Variants in AHSA1 observed in about 807,000 individuals in gnomAD.
The protein encoded by AHSA1 is activator of HSP90 ATPase activity 1, also known as activator of 90 kDa heat shock protein ATPase homolog 1.
Under a neutral mutation model 46.1 loss-of-function variants are expected in AHSA1, and 14 were observed. The ratio of observed to expected loss-of-function variants is 0.30; its 90% CI spans 0.20 to 0.47. The LOEUF (loss-of-function observed/expected upper bound fraction) is 0.47. Ranked by LOEUF, AHSA1 falls within the 20% of genes least tolerant of loss-of-function variation. The pLI, the probability that AHSA1 is intolerant of heterozygous loss-of-function variation, is 0.99. For missense variants in AHSA1, 333 were observed against 415.9 expected, an observed-to-expected ratio of 0.80 and a Z score of 1.73; for synonymous variants, 147 against 145.8, an observed-to-expected ratio of 1.01 and a Z score of -0.06.
rs150175578 is a variant in AHSA1, at chr14:77,468,049, C to CTTTTT, written c.691-33_691-32insTTTTT. 2.1e-4 allele frequency: 154 copies of CTTTTT among 723,774 alleles called. 16 individuals carry two copies. The highest frequency in any genetic ancestry group is 5.9e-4 in the South Asian group (27 of 45,610). The allele number at this position is 723,774 out of a possible 1,614,324, so 44.8% of individuals were successfully genotyped here. A position where few individuals can be genotyped will look rare whatever the true frequency, so the allele number is the denominator to read the frequency against. ...CCACTGAAAGCCATGTATCTTCTGC[C>CTTTTT]TCTTTTTTTTTTTTTTTTTTTTTTT... On this transcript the variant is annotated intron_variant, in intron 6 of 8. Transcript: ENST00000216479.
At chr14:77,468,721 CTTTTTT>C (rs572116649) in intron 8 of AHSA1, 466 of 224,066 alleles carry the variant, frequency 2.1e-3, no homozygotes, top group East Asian at 6.1e-3. Flanking sequence ...ACCATGCCAG[CTTTTTT>C]TTTTTTTTTT....
At position 77,462,860 on chromosome 14, in the gene AHSA1, AT is replaced by A. The variant is rs2079031641; in HGVS notation, c.472+104del. On this transcript the variant is annotated intron_variant, in intron 4 of 8. Coordinates refer to ENST00000216479, the MANE Select transcript of AHSA1 (RefSeq NM_012111.3). ...TCCTTTCTTTGGCAAATGGGTAAAG[AT>A]TTGGGGGGAGGGGGCTTATTTCATC... is the stretch of plus-strand genomic sequence containing the variant. 8.3e-6 allele frequency: 8 copies of A among 967,360 alleles called. No homozygotes were observed. The South Asian group carries it at 1.1e-4, about 13-fold the overall frequency. 59.9% of individuals were successfully genotyped at this position (967,360 alleles called of 1,614,324 possible).
chr14:77,467,082 C>T (rs1161931617), intron 6 of AHSA1, among the ~76,000 whole-genome samples: 2 of 152,140 alleles, frequency 1.3e-5, no homozygotes, highest in East Asian at 3.8e-4. Flanking sequence ...TAATCGAACA[C>T]AGCAAAATGA....
chr14:77,469,422 C>T lies in AHSA1; in HGVS notation c.*173C>T, dbSNP rs1173570665. ...TTTTCTGCTGGGTGGGTTCAGAGGGCAATTTCTCTTTTATGTGTACATATG... is the reference window on the plus strand; with the variant it reads ...TTTTCTGCTGGGTGGGTTCAGAGGGTAATTTCTCTTTTATGTGTACATATG... On this transcript the variant is annotated 3_prime_UTR_variant, in exon 9 of 9. Transcript: ENST00000216479. 4.6e-6 allele frequency: 3 copies of T among 648,430 alleles called. No homozygotes were observed. Among genetic ancestry groups the T allele is most frequent in the Non-Finnish European group, 7.7e-6 (3 of 387,556 alleles). The allele number at this position is 648,430 out of a possible 1,614,324, so 40.2% of individuals were successfully genotyped here.
rs532395625 is a variant in AHSA1, at chr14:77,461,074, G to A, written c.272-1086G>A. On this transcript the variant is annotated intron_variant, in intron 2 of 8. Coordinates refer to ENST00000216479, the MANE Select transcript of AHSA1 (RefSeq NM_012111.3). ...CTCGGGAGGCTGAGGCAGGAGAATC[G>A]CTTGAACCCAGGAGGCGGAGGTTGC... Among the ~76,000 whole-genome samples, 15 of 152,076 alleles carry A rather than the reference G, an allele frequency of 9.9e-5. No individual in the cohort carries two copies. The East Asian group carries it at 2.5e-3, about 26-fold the overall frequency.
chr14:77,468,210 A>C, intron 7 of AHSA1, 26 bp downstream of exon 7: 1 of 1,459,812 alleles, frequency 6.9e-7, no homozygotes, highest in Non-Finnish European at 9.4e-7. Context: ...CCCTAGACTC[A>C]GGTTATTGCC....
intron 1 of AHSA1, among the ~76,000 whole-genome samples, chr14:77,458,854 T>TA (rs148705039): frequency 0.011 from 1,664 of 152,332 alleles, 30 homozygotes; most frequent in African/African-American, 0.038. Flanking sequence ...TGACCGTTCT[T>TA]AAAATAACTG....
intron 4 of AHSA1, among the ~76,000 whole-genome samples, chr14:77,464,008 G>A (rs1376220304): frequency 2.0e-5 from 3 of 152,272 alleles, no homozygotes; most frequent in Admixed American, 6.5e-5. Context: ...CGGCGTTCAC[G>A]CCATCCTTCC....
rs572116649 is a variant in AHSA1, at chr14:77,468,721, C to CTTTTTTTTTTTT, written c.844+226_844+237dup. 2.4e-4 allele frequency: 53 copies of CTTTTTTTTTTTT among 224,414 alleles called. 1 individual carries two copies. The highest frequency in any genetic ancestry group is 4.1e-4 in the African/African-American group (9 of 21,844). 13.9% of individuals were successfully genotyped at this position (224,414 alleles called of 1,614,324 possible). On this transcript the variant is annotated intron_variant, in intron 8 of 8. Coordinates refer to ENST00000216479, the MANE Select transcript of AHSA1 (RefSeq NM_012111.3). ...GAGACTACGTGTGCCACCATGCCAGCTTTTTTTTTTTTTTTTTTTTTTTTA... is the reference window on the plus strand; with the variant it reads ...GAGACTACGTGTGCCACCATGCCAGCTTTTTTTTTTTTTTTTTTTTTTTTTTTTTTTTTTTTA...
At chr14:77,461,402 C>T (rs1243294766) in intron 2 of AHSA1, among the ~76,000 whole-genome samples, 1 of 151,816 alleles carries the variant, frequency 6.6e-6, no homozygotes, top group East Asian at 1.9e-4. Context: ...TAGTGGCACG[C>T]ACCTGTAATC....
In AHSA1 at chr14:77,458,129, G is replaced by T; in HGVS notation, c.-61G>T. 2 of 1,420,722 alleles carry T rather than the reference G, an allele frequency of 1.4e-6. No individual in the cohort carries two copies. The highest frequency in any genetic ancestry group is 3.0e-5 in the African/African-American group (2 of 66,506). The allele number at this position is 1,420,722 out of a possible 1,614,324, so 88.0% of individuals were successfully genotyped here. On this transcript the variant is annotated 5_prime_UTR_variant, in exon 1 of 9. Transcript: ENST00000216479. ...GGCGCTGCCGGGCGGCTGGCACTAAGCGGTCCTGAGGCTGTGGCTACGGCT... is the reference window on the plus strand; with the variant it reads ...GGCGCTGCCGGGCGGCTGGCACTAATCGGTCCTGAGGCTGTGGCTACGGCT...
chr14:77,467,643 G>A (rs12590773), intron 6 of AHSA1, among the ~76,000 whole-genome samples: 65,195 of 151,676 alleles, frequency 0.43, 16,528 homozygotes, highest in East Asian at 0.92. Context: ...TGCGTGAGCC[G>A]AGATCGCGCC....
intron 5 of AHSA1, among the ~76,000 whole-genome samples, 200 bp downstream of exon 5, chr14:77,464,886 C>T (rs2079041375): frequency 6.6e-6 from 1 of 152,166 alleles, no homozygotes; most frequent in Non-Finnish European, 1.5e-5. Flanking sequence ...TTATCGCAGA[C>T]CTTTAGAGCA....
At chr14:77,468,049 CTCT>C (rs778308253) in intron 6 of AHSA1, 31 bp from the exon 7 acceptor site, 11,220 of 711,538 alleles carry the variant, frequency 0.016, 139 homozygotes, top group East Asian at 0.082. Context: ...TATCTTCTGC[CTCT>C]TTTTTTTTTT....
chr14:77,460,930 TGGGC>T (rs2079020137), intron 2 of AHSA1, among the ~76,000 whole-genome samples: 1 of 149,576 alleles, frequency 6.7e-6, no homozygotes, highest in Non-Finnish European at 1.5e-5. Context: ...GAGGCCAAGG[TGGGC>T]GGATCACGAG....
Position 77,465,522 on chromosome 14 carries a change from C to T in AHSA1, c.562-17C>T, listed in dbSNP as rs763116312. On this transcript the variant is annotated splice_polypyrimidine_tract_variant and intron_variant, in intron 5 of 8. Transcript: ENST00000216479. ...ATCATTACTCTGTATTGATCATTTT[C>T]ACTGCCACCTTCACAGGCTAAGCCT... The T allele has an allele frequency of 6.2e-7, 1 of 1,612,550 alleles. No homozygotes were observed.
intron 6 of AHSA1, 22 bp from the exon 7 acceptor site, chr14:77,468,051 CTTTTTTTTTT>C (rs34989956): frequency 5.7e-5 from 39 of 684,558 alleles, no homozygotes; most frequent in African/African-American, 7.2e-5. Flanking sequence ...TCTTCTGCCT[CTTTTTTTTTT>C]TTTTTTTTTT....
intron 1 of AHSA1, among the ~76,000 whole-genome samples, chr14:77,459,248 A>C (rs1171473814): frequency 1.3e-5 from 2 of 152,196 alleles, no homozygotes; most frequent in Non-Finnish European, 2.9e-5. Context: ...CTTTTAGCTA[A>C]GTACTATTCT....
At chr14:77,464,480 C>A (rs575421444) in intron 4 of AHSA1, 118 bp from the exon 5 acceptor site, 2 of 869,328 alleles carry the variant, frequency 2.3e-6, no homozygotes, top group African/African-American at 3.4e-5. Context: ...TAGCCTCTTC[C>A]TTTTCTGGTC....
Sources: allele counts gnomAD v4.1 joint callset (sites outside exome capture counted in the v4.1 genomes callset), GRCh38; gene constraint gnomAD v4.1.1; transcripts MANE v1.5; gene names NCBI Gene and HGNC (gene_info 2026-07-23, HGNC 2026-07-21).